The following CBFA2T2 variants were observed in gnomAD, a reference collection of about 807,000 sequenced individuals.
CBFA2T2 encodes the protein CBFA2/RUNX1 partner transcriptional co-repressor 2.
Under a neutral mutation model 62.2 loss-of-function variants are expected in CBFA2T2, and 11 were observed. The observed-to-expected ratio is 0.18, with a 90% CI of 0.11 to 0.29. CBFA2T2 has a LOEUF of 0.29. Ranked by LOEUF, CBFA2T2 falls within the 10% of genes least tolerant of loss-of-function variation. CBFA2T2 has a pLI of 1.00. For synonymous variants in CBFA2T2, 295 were observed against 287.5 expected (o/e 1.03, Z -0.27); for missense variants, 592 against 774.1 (o/e 0.76, Z 2.79).
At chr20:33,598,168 T>G (rs1415615226) in intron 1 of CBFA2T2, among the ~76,000 whole-genome samples, 1 of 152,196 alleles carries the variant, frequency 6.6e-6, no homozygotes, top group Admixed American at 6.5e-5. Context: ...AAATTGCTGA[T>G]GAAGTTAGCA....
chr20:33,583,252 G>C (rs115987350), intron 1 of CBFA2T2, among the ~76,000 whole-genome samples: 1 of 152,110 alleles, frequency 6.6e-6, no homozygotes, highest in South Asian at 2.1e-4. Context: ...CTATTGTATC[G>C]ATTTGAAAAA....
intron 1 of CBFA2T2, among the ~76,000 whole-genome samples, chr20:33,536,432 C>G (rs544241324): frequency 1.3e-3 from 200 of 148,410 alleles, no homozygotes; most frequent in African/African-American, 4.7e-3. Flanking sequence ...GGGGGCTGAC[C>G]CCCCCACCTC....
intron 1 of CBFA2T2, among the ~76,000 whole-genome samples, chr20:33,606,674 T>G (rs1288237363): frequency 1.3e-5 from 2 of 152,120 alleles, no homozygotes; most frequent in Non-Finnish European, 2.9e-5. Context: ...ATCCCTTCTT[T>G]AAGGACACCA....
At chr20:33,540,157 A>G (rs1327222641) in intron 1 of CBFA2T2, among the ~76,000 whole-genome samples, 2 of 152,266 alleles carry the variant, frequency 1.3e-5, no homozygotes, top group Admixed American at 6.5e-5. Flanking sequence ...TTTGGTAACT[A>G]TAAACCATTT....
chr20:33,513,355 T>G (rs78930080), intron 1 of CBFA2T2, among the ~76,000 whole-genome samples: 6,645 of 150,946 alleles, frequency 0.044, 490 homozygotes, highest in African/African-American at 0.15. Context: ...GTTTTTTTGT[T>G]TTTTTTTTGG....
chr20:33,529,980 T>C (rs1044789162), intron 1 of CBFA2T2, among the ~76,000 whole-genome samples: 5 of 151,904 alleles, frequency 3.3e-5, no homozygotes, highest in South Asian at 2.1e-4. Context: ...GGCCACAGTG[T>C]TGCACCATGT....
At position 33,649,539 on chromosome 20, in the gene CBFA2T2, G is replaced by T. The variant is rs1601139014; in HGVS notation, c.*4893G>T. On this transcript the variant is annotated 3_prime_UTR_variant, in exon 11 of 11. Coordinates refer to ENST00000342704, the MANE Select transcript of CBFA2T2 (RefSeq NM_001032999.3). ...CCCCTGAGGTGGAGCTTCCCTCACA[G>T]ACCCCATCTGGTCGAGCCTACGGCT... is the stretch of plus-strand genomic sequence containing the variant. 1 of 152,590 alleles carries T rather than the reference G, an allele frequency of 6.6e-6. No individual in the cohort carries two copies. The highest frequency in any genetic ancestry group is 1.9e-4 in the East Asian group (1 of 5,196). 9.5% of individuals were successfully genotyped at this position (152,590 alleles called of 1,614,324 possible). A position where few individuals can be genotyped will look rare whatever the true frequency, so the allele number is the denominator to read the frequency against.
chr20:33,521,096 T>C (rs1250132627), intron 1 of CBFA2T2, among the ~76,000 whole-genome samples: 1 of 151,594 alleles, frequency 6.6e-6, no homozygotes, highest in African/African-American at 2.4e-5. Context: ...GTTAAGTCGA[T>C]TTAAGGCTTT....
At chr20:33,515,426 T>TG (rs2011583582) in intron 1 of CBFA2T2, among the ~76,000 whole-genome samples, 2 of 150,494 alleles carry the variant, frequency 1.3e-5, no homozygotes, top group Admixed American at 1.3e-4. Context: ...GGCCAAATAG[T>TG]GGTATCCTGC....
intron 1 of CBFA2T2, among the ~76,000 whole-genome samples, chr20:33,551,774 C>T (rs550396030): frequency 4.7e-5 from 7 of 150,110 alleles, no homozygotes; most frequent in Admixed American, 1.3e-4. Context: ...TCAAGAAATC[C>T]GCCCACCTTG....
chr20:33,625,307 G>C (rs761387828), intron 6 of CBFA2T2, among the ~76,000 whole-genome samples: 7 of 152,086 alleles, frequency 4.6e-5, no homozygotes, highest in Admixed American at 1.3e-4. Flanking sequence ...GCAACATAGT[G>C]AGATCCCATC....
chr20:33,516,868 CTTT>C lies in CBFA2T2; in HGVS notation c.34+26568_34+26570del, dbSNP rs1447279497. Among the ~76,000 whole-genome samples, 36 of 152,288 alleles carry C rather than the reference CTTT, an allele frequency of 2.4e-4. 1 individual carries two copies. The highest frequency in any genetic ancestry group is 6.3e-4 in the African/African-American group (26 of 41,560). On this transcript the variant is annotated intron_variant, in intron 1 of 10. Transcript: ENST00000342704. ...ACAAAACTATTCTAGAAGATCTTTG[CTTT>C]AAACAGTAGTGAAGACATTTATCTC...
chr20:33,492,854 A>C (rs777907975), intron 1 of CBFA2T2, among the ~76,000 whole-genome samples: 5 of 151,972 alleles, frequency 3.3e-5, no homozygotes, highest in Non-Finnish European at 5.9e-5. Context: ...ATTCCTAGAC[A>C]GTACACTTGG....
At chr20:33,516,737 T>A (rs1392470430) in intron 1 of CBFA2T2, among the ~76,000 whole-genome samples, 1 of 152,238 alleles carries the variant, frequency 6.6e-6, no homozygotes. Context: ...CTTTTTGGTA[T>A]ACCTTTATAC....
chr20:33,600,731 T>TA (rs1427246426), intron 1 of CBFA2T2, among the ~76,000 whole-genome samples: 3 of 152,170 alleles, frequency 2.0e-5, no homozygotes, highest in Non-Finnish European at 4.4e-5. Context: ...GTAATGTTTC[T>TA]ATTTCTTTAT....
At chr20:33,622,154 C>T (rs1430044263) in intron 4 of CBFA2T2, among the ~76,000 whole-genome samples, 1 of 152,042 alleles carries the variant, frequency 6.6e-6, no homozygotes, top group Non-Finnish European at 1.5e-5. Context: ...AGTCAAATTC[C>T]TTATTCTTAA....
chr20:33,499,094 C>T (rs1192798105), intron 1 of CBFA2T2, among the ~76,000 whole-genome samples: 1 of 151,228 alleles, frequency 6.6e-6, no homozygotes, highest in Non-Finnish European at 1.5e-5. Flanking sequence ...AGCTTGTTCT[C>T]AAGTGTTAAA....
chr20:33,523,553 C>T (rs1335538099), intron 1 of CBFA2T2, among the ~76,000 whole-genome samples: 1 of 152,158 alleles, frequency 6.6e-6, no homozygotes, highest in Non-Finnish European at 1.5e-5. Context: ...GGATCACAGT[C>T]TAGTGATCCA....
chr20:33,535,243 T>A (rs989416732), intron 1 of CBFA2T2, among the ~76,000 whole-genome samples: 5 of 152,210 alleles, frequency 3.3e-5, no homozygotes, highest in Non-Finnish European at 7.3e-5. Context: ...CCCACAGACA[T>A]GTTTAGTTGG....
Sources: allele counts gnomAD v4.1 joint callset (sites outside exome capture counted in the v4.1 genomes callset), GRCh38; gene constraint gnomAD v4.1.1; transcripts MANE v1.5; gene names NCBI Gene and HGNC (gene_info 2026-07-23, HGNC 2026-07-21).